Variants in GSE1 observed in about 807,000 individuals in gnomAD.
The protein encoded by GSE1 is Gse1 coiled-coil protein, also known as genetic suppressor element 1.
Under a neutral mutation model 112.6 loss-of-function variants are expected in GSE1, and 32 were observed. The ratio of observed to expected loss-of-function variants is 0.28; its 90% CI spans 0.21 to 0.38. The LOEUF (loss-of-function observed/expected upper bound fraction) is 0.38. Ranked by LOEUF, GSE1 falls within the 10% of genes least tolerant of loss-of-function variation. The pLI is 1.00. For synonymous variants in GSE1, 1,115 were observed against 735.6 expected (o/e 1.52, Z -8.35); for missense variants, 2,348 against 1,699.2 (o/e 1.38, Z -6.71).
At chr16:85,492,680 A>G (rs1230474486) in intron 2 of GSE1, among the ~76,000 whole-genome samples, 8 of 152,270 alleles carry the variant, frequency 5.3e-5, no homozygotes, top group Admixed American at 5.2e-4. Context: ...AGCGCCCTTA[A>G]GTAGCCACAC....
intron 2 of GSE1, among the ~76,000 whole-genome samples, chr16:85,442,018 C>T (rs1238934000): frequency 1.3e-5 from 2 of 152,252 alleles, no homozygotes; most frequent in East Asian, 1.9e-4. Flanking sequence ...TCCACCTCCA[C>T]GTGGGCCCCT....
intron 2 of GSE1, among the ~76,000 whole-genome samples, chr16:85,483,248 G>A (rs908582605): frequency 1.3e-5 from 2 of 152,210 alleles, no homozygotes; most frequent in East Asian, 1.9e-4. Context: ...TCTCTGTCCC[G>A]AGCTTTCAGA....
At chr16:85,656,196 C>T (rs1481559583) in intron 6 of GSE1, 147 bp from the exon 7 acceptor site, 3 of 1,004,888 alleles carry the variant, frequency 3.0e-6, no homozygotes, top group Non-Finnish European at 2.9e-6. Context: ...TTAAGTTCTT[C>T]CTGCACCAGT....
rs1413933126 is a variant in GSE1 at position 85,375,587 on chromosome 16, C to T, written c.2464+17944C>T. On this transcript the variant is annotated intron_variant, in intron 2 of 2. Transcript: ENST00000637419. ...ATGCAGGGCTTAAGCGGTGGGTTTG[C>T]TGGTGTTCAAGCAGGTATAGGGGAA... Among the ~76,000 whole-genome samples the T allele has an allele frequency of 3.3e-5, 5 of 152,176 alleles. No individual in the cohort carries two copies. In the East Asian group the frequency reaches 9.7e-4, roughly 29 times the overall value.
rs567328781 is a variant in GSE1 at position 85,342,016 on chromosome 16, C to T, written c.2284-15447C>T. On this transcript the variant is annotated intron_variant, in intron 1 of 2. Coordinates refer to the GSE1 transcript ENST00000637419. ...GTCTCTCTATCCCTGGGCTGCCTGC[C>T]GTCCCTCCACAGGGACTTGCAGGTG... Among the ~76,000 whole-genome samples the T allele has an allele frequency of 5.7e-4, 87 of 152,042 alleles. 1 individual carries two copies. Among genetic ancestry groups the T allele is most frequent in the Non-Finnish European group, 1.1e-3 (75 of 67,998 alleles).
At chr16:85,662,924 G>A in intron 9 of GSE1, 57 bp from the exon 10 acceptor site, 2 of 1,230,212 alleles carry the variant, frequency 1.6e-6, no homozygotes, top group South Asian at 1.2e-5. Flanking sequence ...CTGCGGGCAT[G>A]TCCACTGGAC....
At chr16:85,665,936 T>C (rs1432179618) in intron 12 of GSE1, 40 bp from the exon 13 acceptor site, 7 of 1,604,220 alleles carry the variant, frequency 4.4e-6, no homozygotes, top group Non-Finnish European at 5.1e-6. Flanking sequence ...GCCTGTTAAC[T>C]TGCATTTCTT....
chr16:85,207,256 T>C (rs1597799447), intron 1 of GSE1, among the ~76,000 whole-genome samples: 1 of 152,204 alleles, frequency 6.6e-6, no homozygotes, highest in Non-Finnish European at 1.5e-5. Context: ...CCAGAAGCCC[T>C]GGCCTGGCCC....
At chr16:85,529,891 G>A (rs546409650) in intron 2 of GSE1, among the ~76,000 whole-genome samples, 7 of 152,354 alleles carry the variant, frequency 4.6e-5, no homozygotes, top group South Asian at 2.1e-4. Flanking sequence ...AGGACCAGCC[G>A]TGGCCTGTAG....
intron 2 of GSE1, among the ~76,000 whole-genome samples, chr16:85,542,959 G>A (rs1026392065): frequency 1.3e-5 from 2 of 152,210 alleles, no homozygotes; most frequent in East Asian, 3.8e-4. Context: ...CGGGCGTGGT[G>A]GCTCATGCCT....
At chr16:85,672,319 C>A (rs766684003) in intron 15 of GSE1, 86 bp from the exon 16 acceptor site, 2 of 983,430 alleles carry the variant, frequency 2.0e-6, no homozygotes, top group Non-Finnish European at 1.6e-6. Flanking sequence ...TGTAGGTTTA[C>A]CCTTCCATCC....
intron 1 of GSE1, among the ~76,000 whole-genome samples, chr16:85,230,565 G>T (rs1273486812): frequency 1.3e-5 from 2 of 152,186 alleles, no homozygotes; most frequent in African/African-American, 4.8e-5. Context: ...TGCTGCGGGG[G>T]TTCATTCTCC....
At chr16:85,634,496 G>A (rs896943975) in intron 2 of GSE1, among the ~76,000 whole-genome samples, 7 of 152,350 alleles carry the variant, frequency 4.6e-5, no homozygotes, top group African/African-American at 7.2e-5. Context: ...CTGGGCCCCA[G>A]TGCTCCCCAA....
chr16:85,363,209 C>T (rs1479585489), intron 2 of GSE1, among the ~76,000 whole-genome samples: 1 of 152,200 alleles, frequency 6.6e-6, no homozygotes, highest in African/African-American at 2.4e-5. Context: ...TGCAGAAAAC[C>T]AGGCCAAGAT....
intron 1 of GSE1, among the ~76,000 whole-genome samples, chr16:85,193,840 C>T (rs778026592): frequency 3.9e-5 from 6 of 152,234 alleles, no homozygotes; most frequent in Non-Finnish European, 7.3e-5. Flanking sequence ...GTGTACCCTT[C>T]ACTGAATGTT....
intron 1 of GSE1, among the ~76,000 whole-genome samples, chr16:85,225,197 T>TCA (rs917732854): frequency 2.0e-5 from 3 of 151,658 alleles, no homozygotes; most frequent in Non-Finnish European, 2.9e-5. Flanking sequence ...AACACAGACA[T>TCA]CACACACACA....
chr16:85,365,658 A>AAAGGTTTGTAGAAGGCG lies in GSE1; in HGVS notation c.2464+8040_2464+8056dup, dbSNP rs1474802129. ...CTGGAAGGTGAAGCTTGTAGAAAGCAAAGGTTTGTAGAAGGCGAAGGTTTG... is the reference window on the plus strand; with the variant it reads ...CTGGAAGGTGAAGCTTGTAGAAAGCAAAGGTTTGTAGAAGGCGAAGGTTTGTAGAAGGCGAAGGTTTG... On this transcript the variant is annotated intron_variant, in intron 2 of 2. Coordinates refer to the GSE1 transcript ENST00000637419. Among the ~76,000 whole-genome samples, 4 of 152,336 alleles carry AAAGGTTTGTAGAAGGCG rather than the reference A, an allele frequency of 2.6e-5. No homozygotes were observed. The East Asian group carries it at 5.8e-4, about 22-fold the overall frequency.
At chr16:85,197,298 TC>T (rs2074946273) in intron 1 of GSE1, among the ~76,000 whole-genome samples, 1 of 152,072 alleles carries the variant, frequency 6.6e-6, no homozygotes, top group Non-Finnish European at 1.5e-5. Flanking sequence ...AAGGGAGTCT[TC>T]CCAATGCCTG....
chr16:85,317,728 C>T (rs907187489), intron 1 of GSE1, among the ~76,000 whole-genome samples: 5 of 152,178 alleles, frequency 3.3e-5, no homozygotes, highest in Admixed American at 3.3e-4. Flanking sequence ...ATTCATGCAC[C>T]CTGCGCTGGC....
Sources: gnomAD v4.1 joint callset for allele counts (sites outside exome capture counted in the v4.1 genomes callset) on GRCh38, gnomAD v4.1.1 for gene constraint, MANE v1.5 for transcripts, NCBI Gene and HGNC (gene_info 2026-07-23, HGNC 2026-07-21) for gene names.